The following TCF4 variants were observed in gnomAD, a reference collection of about 807,000 sequenced individuals.
The protein encoded by TCF4 is SL3-3 enhancer factor 2.
TCF4 carries 3 observed loss-of-function variants against 82.1 expected under a neutral mutation model. The ratio of observed to expected loss-of-function variants is 0.04; its 90% CI spans 0.02 to 0.09. The LOEUF (loss-of-function observed/expected upper bound fraction) is 0.09. Ranked by LOEUF, TCF4 falls within the 10% of genes least tolerant of loss-of-function variation. The pLI, the probability that TCF4 is intolerant of heterozygous loss-of-function variation, is 1.00. For missense variants in TCF4, 518 were observed against 852.7 expected (o/e 0.61, Z 4.89); for synonymous variants, 276 against 309.6 (o/e 0.89, Z 1.14).
chr18:55,295,165 G>A lies in TCF4; in HGVS notation c.550-15509C>T, dbSNP rs149902291. Among the ~76,000 whole-genome samples the A allele has an allele frequency of 7.2e-5, 11 of 152,218 alleles. No homozygotes were observed. In the East Asian group the frequency reaches 1.5e-3, roughly 21 times the overall value. On this transcript the variant is annotated intron_variant, in intron 8 of 19. Coordinates refer to ENST00000354452, the MANE Select transcript of TCF4 (RefSeq NM_001083962.2). ...CCTAATTCTTTCTGTTCTTCATCCC[G>A]TTGGCCTACACTGCTCATTTTGCCC...
At chr18:55,597,760 T>C (rs1251640044) in intron 2 of TCF4, among the ~76,000 whole-genome samples, 4 of 152,240 alleles carry the variant, frequency 2.6e-5, no homozygotes, top group African/African-American at 9.6e-5. Flanking sequence ...TATTCCAAAG[T>C]GCAGTAAAAT....
intron 3 of TCF4, among the ~76,000 whole-genome samples, chr18:55,478,578 A>G (rs557766440): frequency 6.6e-6 from 1 of 152,310 alleles, no homozygotes; most frequent in East Asian, 1.9e-4. Context: ...ATCTGCAGTT[A>G]CAAGTAAGAA....
intron 3 of TCF4, among the ~76,000 whole-genome samples, chr18:55,510,171 A>C (rs2096810188): frequency 6.6e-6 from 1 of 152,118 alleles, no homozygotes; most frequent in African/African-American, 2.4e-5. Context: ...TTCTGACTCA[A>C]GGTTAAAGGT....
intron 8 of TCF4, among the ~76,000 whole-genome samples, chr18:55,282,487 C>T (rs2062817977): frequency 6.6e-6 from 1 of 152,004 alleles, no homozygotes; most frequent in South Asian, 2.1e-4. Flanking sequence ...AACTCTTTTG[C>T]CAATTTCTCA....
intron 6 of TCF4, among the ~76,000 whole-genome samples, chr18:55,390,301 A>AG (rs1324603349): frequency 6.7e-6 from 1 of 150,332 alleles, no homozygotes; most frequent in Non-Finnish European, 1.5e-5. Flanking sequence ...AAAAAAAAAA[A>AG]AAAAAAAAAG....
intron 2 of TCF4, among the ~76,000 whole-genome samples, chr18:55,605,719 T>G (rs1182007996): frequency 6.6e-6 from 1 of 152,188 alleles, no homozygotes; most frequent in Non-Finnish European, 1.5e-5. Flanking sequence ...TACAATCACA[T>G]ATAGTTTCAC....
At chr18:55,326,556 C>A (rs988742360) in intron 8 of TCF4, among the ~76,000 whole-genome samples, 66 of 152,066 alleles carry the variant, frequency 4.3e-4, no homozygotes, top group African/African-American at 1.4e-3. Context: ...TTTTGGAGCA[C>A]CAAACACGAC....
intron 15 of TCF4, among the ~76,000 whole-genome samples, chr18:55,246,307 G>T (rs1352100095): frequency 6.6e-6 from 1 of 151,302 alleles, no homozygotes; most frequent in East Asian, 1.9e-4. Flanking sequence ...TTTTGTCTTT[G>T]ATTTATTTAA....
intron 8 of TCF4, among the ~76,000 whole-genome samples, chr18:55,330,908 C>T (rs2077463164): frequency 6.6e-6 from 1 of 152,164 alleles, no homozygotes; most frequent in African/African-American, 2.4e-5. Context: ...CTAGCTTTGT[C>T]TAAATCTGTT....
chr18:55,441,759 A>G (rs569276942), intron 5 of TCF4, among the ~76,000 whole-genome samples: 5 of 152,250 alleles, frequency 3.3e-5, no homozygotes, highest in Non-Finnish European at 7.3e-5. Context: ...TGCTCCTTCA[A>G]TGTGGATTAG....
At chr18:55,543,647 A>G (rs1188658589) in intron 3 of TCF4, among the ~76,000 whole-genome samples, 1 of 152,138 alleles carries the variant, frequency 6.6e-6, no homozygotes, top group Non-Finnish European at 1.5e-5. Flanking sequence ...TTTTCATTTC[A>G]GTCAAGGTGT....
intron 1 of TCF4, chr18:55,635,595 T>A: frequency 7.3e-7 from 1 of 1,375,496 alleles, no homozygotes; most frequent in Non-Finnish European, 9.6e-7. Context: ...GGGAGAGAGG[T>A]TAGAGAGCTA....
At chr18:55,490,293 T>C (rs1275217587) in intron 3 of TCF4, among the ~76,000 whole-genome samples, 1 of 152,172 alleles carries the variant, frequency 6.6e-6, no homozygotes, top group Non-Finnish European at 1.5e-5. Context: ...TAGATATATT[T>C]ATTTATATTT....
intron 3 of TCF4, among the ~76,000 whole-genome samples, chr18:55,584,622 A>G (rs1568461479): frequency 1.3e-5 from 2 of 152,128 alleles, no homozygotes; most frequent in African/African-American, 4.8e-5. Context: ...TTTTTTAAGC[A>G]TCACCCAAAG....
intron 3 of TCF4, among the ~76,000 whole-genome samples, chr18:55,508,888 C>A (rs1365268225): frequency 6.6e-6 from 1 of 152,142 alleles, no homozygotes; most frequent in African/African-American, 2.4e-5. Flanking sequence ...AAATTATGTG[C>A]TGACTTTAAA....
At chr18:55,506,963 A>T (rs1239034516) in intron 3 of TCF4, among the ~76,000 whole-genome samples, 1 of 151,904 alleles carries the variant, frequency 6.6e-6, no homozygotes, top group Non-Finnish European at 1.5e-5. Context: ...CTCAGACTCA[A>T]GCAATTCTCC....
At position 55,633,371 on chromosome 18, in the gene TCF4, T is replaced by C. The variant is rs926507799; in HGVS notation, c.196-1983A>G. Reference sequence around the variant, plus strand: ...AGTCTGCTTGAGTGTCTTTATGATATGGGGGTTGGCTTCTTCCAGAATTAG... The same window carrying C: ...AGTCTGCTTGAGTGTCTTTATGATACGGGGGTTGGCTTCTTCCAGAATTAG... On this transcript the variant is annotated intron_variant, in intron 1 of 20. Coordinates refer to the TCF4 transcript ENST00000398339. This position sits in a 1 kb window ranked among gnomAD's most constrained non-coding sequence, Gnocchi z 4.0. 8.5e-5 allele frequency among the ~76,000 whole-genome samples: 13 copies of C among 152,242 alleles called. No individual in the cohort carries two copies. The highest frequency in any genetic ancestry group is 2.0e-4 in the Admixed American group (3 of 15,286).
rs200406979 is a variant in TCF4, at chr18:55,422,413, TG to T, written c.305-18896del. 9 of 984,466 alleles carry T rather than the reference TG, an allele frequency of 9.1e-6. No individual in the cohort carries two copies. In the South Asian group the frequency reaches 1.4e-4, roughly 15 times the overall value. 61.0% of individuals were successfully genotyped at this position (984,466 alleles called of 1,614,324 possible). On this transcript the variant is annotated intron_variant, in intron 5 of 19. Transcript: ENST00000354452. ...GAAAGAAGGGAAAAGGTGGAGGGTTTGGGGGGTTTTTTTTAATATTAAAAAA... is the reference window on the plus strand; with the variant it reads ...GAAAGAAGGGAAAAGGTGGAGGGTTTGGGGGTTTTTTTTAATATTAAAAAA...
At chr18:55,289,137 C>T (rs1464558767) in intron 8 of TCF4, among the ~76,000 whole-genome samples, 1 of 152,184 alleles carries the variant, frequency 6.6e-6, no homozygotes, top group African/African-American at 2.4e-5. Context: ...GATTAAGTTA[C>T]ACCTGGCTAA....
Sources: gnomAD v4.1 joint callset for allele counts (sites outside exome capture counted in the v4.1 genomes callset) on GRCh38, gnomAD v4.1.1 for gene constraint, Gnocchi (gnomAD v3.1) non-coding constraint, MANE v1.5 for transcripts, NCBI Gene and HGNC (gene_info 2026-07-23, HGNC 2026-07-21) for gene names.